The following SDK1 variants were observed in gnomAD, a reference collection of about 807,000 sequenced individuals.
SDK1 encodes the protein sidekick cell adhesion molecule 1, also known as protein sidekick-1.
SDK1 carries 157 observed loss-of-function variants against 245.5 expected under a neutral mutation model. That is an observed-to-expected ratio of 0.64 (90% CI 0.56 to 0.73). The LOEUF is 0.73. SDK1 is among the 30% of genes least tolerant of loss of function. The pLI is 0.00. For missense variants in SDK1, 3,583 were observed against 3,002.3 expected, an observed-to-expected ratio of 1.19 and a Z score of -4.52; for synonymous variants, 1,647 against 1,278.5, an observed-to-expected ratio of 1.29 and a Z score of -6.15.
intron 22 of SDK1, among the ~76,000 whole-genome samples, chr7:4,094,569 G>T (rs1403791700): frequency 1.3e-5 from 2 of 152,352 alleles, no homozygotes; most frequent in Non-Finnish European, 1.5e-5. Flanking sequence ...ACTCAGGAAA[G>T]AAGCAAGATA....
chr7:3,378,988 T>C (rs1325521176), intron 1 of SDK1, among the ~76,000 whole-genome samples: 1 of 152,130 alleles, frequency 6.6e-6, no homozygotes, highest in Admixed American at 6.5e-5. Flanking sequence ...GCTCAGCTCT[T>C]CCAGCTTCTC....
chr7:3,721,088 C>G (rs918790690), intron 4 of SDK1, among the ~76,000 whole-genome samples: 3 of 152,110 alleles, frequency 2.0e-5, no homozygotes, highest in Non-Finnish European at 4.4e-5. Context: ...TCTTTTGTTG[C>G]CAGGAGTTAG....
intron 1 of SDK1, among the ~76,000 whole-genome samples, chr7:3,587,508 C>G (rs989409525): frequency 2.6e-5 from 4 of 152,064 alleles, no homozygotes; most frequent in Admixed American, 2.0e-4. Context: ...ACCAGGAGTG[C>G]CAAGTACAGG....
intron 22 of SDK1, among the ~76,000 whole-genome samples, chr7:4,084,675 C>T (rs10256642): frequency 0.05 from 6,008 of 119,762 alleles, 247 homozygotes; most frequent in African/African-American, 0.17. Context: ...TGTTATGTTA[C>T]GTTATGTTAT....
At chr7:3,423,450 C>G (rs1051154486) in intron 1 of SDK1, among the ~76,000 whole-genome samples, 1 of 152,002 alleles carries the variant, frequency 6.6e-6, no homozygotes, top group Admixed American at 6.6e-5. Context: ...TTGGGATAAG[C>G]AGATTTCTAT....
chr7:3,591,422 T>C (rs1780871787), intron 1 of SDK1, among the ~76,000 whole-genome samples: 2 of 152,366 alleles, frequency 1.3e-5, no homozygotes, highest in South Asian at 4.1e-4. Flanking sequence ...GACCTTCCCA[T>C]TATTAATTCC....
At position 3,484,980 on chromosome 7, in the gene SDK1, G is replaced by C. The variant is rs10215438; in HGVS notation, c.299-134100G>C. Among the ~76,000 whole-genome samples, 59 of 152,116 alleles carry C rather than the reference G, an allele frequency of 3.9e-4. 1 individual carries two copies. In the East Asian group the frequency reaches 0.011, roughly 29 times the overall value. ...GTAAACGTGGGACTGCAGGTCATCT[G>C]TTTGATAGACTAATTTCCTTTCTTT... is the stretch of plus-strand genomic sequence containing the variant. On this transcript the variant is annotated intron_variant, in intron 1 of 44. Coordinates refer to ENST00000404826, the MANE Select transcript of SDK1 (RefSeq NM_152744.4).
chr7:3,677,263 A>T (rs1198480654), intron 4 of SDK1, among the ~76,000 whole-genome samples: 1 of 152,096 alleles, frequency 6.6e-6, no homozygotes, highest in Non-Finnish European at 1.5e-5. Context: ...TACGATAAGC[A>T]TCTTTGGCCC....
At chr7:3,638,279 A>G (rs1275788944) in intron 2 of SDK1, among the ~76,000 whole-genome samples, 1 of 152,168 alleles carries the variant, frequency 6.6e-6, no homozygotes, top group Non-Finnish European at 1.5e-5. Context: ...CCATCCCATT[A>G]CTGGGTATAT....
intron 14 of SDK1, among the ~76,000 whole-genome samples, chr7:4,004,711 A>C (rs75547133): frequency 6.6e-6 from 1 of 152,218 alleles, no homozygotes; most frequent in Non-Finnish European, 1.5e-5. Context: ...AATTATGTCA[A>C]TTCATCCCTA....
intron 1 of SDK1, among the ~76,000 whole-genome samples, chr7:3,396,590 AC>A (rs1204536347): frequency 6.6e-6 from 1 of 151,732 alleles, no homozygotes; most frequent in Non-Finnish European, 1.5e-5. Context: ...CTGCTGAATT[AC>A]CCTCTTATTA....
intron 1 of SDK1, among the ~76,000 whole-genome samples, chr7:3,355,539 T>C (rs551771267): frequency 6.6e-6 from 1 of 152,294 alleles, no homozygotes; most frequent in African/African-American, 2.4e-5. Context: ...TTAGATTTCT[T>C]CTCCGTTCTT....
At chr7:4,109,970 A>T (rs1783229449) in intron 22 of SDK1, among the ~76,000 whole-genome samples, 1 of 152,080 alleles carries the variant, frequency 6.6e-6, no homozygotes, top group Admixed American at 6.5e-5. Context: ...AAGCTGGGGA[A>T]CTTGGAGGGC....
intron 1 of SDK1, among the ~76,000 whole-genome samples, chr7:3,449,358 A>AG (rs565831627): frequency 6.6e-6 from 1 of 151,302 alleles, no homozygotes; most frequent in African/African-American, 2.4e-5. Flanking sequence ...TTGGTGGTAC[A>AG]AAATCGTGCT....
rs190871827 is a variant in SDK1, at chr7:3,554,387, A to G, written c.299-64693A>G. Among the ~76,000 whole-genome samples the G allele has an allele frequency of 5.3e-5, 8 of 151,866 alleles. No individual in the cohort carries two copies. In the East Asian group the frequency reaches 9.6e-4, roughly 18 times the overall value. On this transcript the variant is annotated intron_variant, in intron 1 of 44. Transcript: ENST00000404826. ...CAAGTTTTAAAGGAAATAAAAATAC[A>G]TAAAACTGAAAGCAAAAACAGAACA...
chr7:3,315,303 T>C (rs1779637691), intron 1 of SDK1, among the ~76,000 whole-genome samples: 1 of 152,190 alleles, frequency 6.6e-6, no homozygotes. Flanking sequence ...GCCTTCAAGT[T>C]ATACAGTATC....
rs1394617659 is a variant in SDK1 at position 4,252,592 on chromosome 7, A to G, written c.6381+6787A>G. Among the ~76,000 whole-genome samples, 3 of 152,102 alleles carry G rather than the reference A, an allele frequency of 2.0e-5. No homozygotes were observed. In the East Asian group the frequency reaches 5.8e-4, roughly 29 times the overall value. On this transcript the variant is annotated intron_variant, in intron 44 of 44. Transcript: ENST00000404826. ...GCTGAGCATTTTTGTATCTATACTT[A>G]TAAGGGATATAGGTCTGTAGTTTAC...
chr7:4,155,110 G>A (rs999273640), intron 30 of SDK1, among the ~76,000 whole-genome samples: 5 of 151,958 alleles, frequency 3.3e-5, no homozygotes, highest in Admixed American at 2.0e-4. Context: ...GGGGTTGATA[G>A]CACTGCCCTC....
At chr7:3,977,471 C>T (rs541318915) in intron 13 of SDK1, among the ~76,000 whole-genome samples, 38 of 152,328 alleles carry the variant, frequency 2.5e-4, no homozygotes, top group African/African-American at 8.4e-4. Context: ...AGCCAGGTTT[C>T]CCCCAGCCCC....
Sources: gnomAD v4.1 joint callset for allele counts (sites outside exome capture counted in the v4.1 genomes callset) on GRCh38, gnomAD v4.1.1 for gene constraint, MANE v1.5 for transcripts, NCBI Gene and HGNC (gene_info 2026-07-23, HGNC 2026-07-21) for gene names.